The following NPIPB11 variants were observed in gnomAD, a reference collection of about 807,000 sequenced individuals.
NPIPB11 encodes the protein nuclear pore complex-interacting protein family member B11.
NPIPB11 carries 17 observed loss-of-function variants against 32.8 expected under a neutral mutation model. That is an observed-to-expected ratio of 0.52 (90% confidence interval 0.35 to 0.78). The LOEUF (loss-of-function observed/expected upper bound fraction) is 0.78. NPIPB11 is among the 30% of genes least tolerant of loss of function. The pLI, the probability that NPIPB11 is intolerant of heterozygous loss-of-function variation, is 0.01. For synonymous variants in NPIPB11, 209 were observed against 398.4 expected (o/e 0.52, Z 5.66); for missense variants, 537 against 1,000.4 (o/e 0.54, Z 6.25).
upstream of NPIPB11, among the ~76,000 whole-genome samples, chr16:29,405,348 C>T (rs542068776): frequency 9.4e-4 from 143 of 152,066 alleles, 4 homozygotes; most frequent in South Asian, 0.029. Flanking sequence ...TATTAAAAGC[C>T]TACTACGTGC....
At chr16:29,397,632 C>T (rs1963891086) in intron 2 of NPIPB11, 31 of 1,457,434 alleles carry the variant, frequency 2.1e-5, no homozygotes, top group Non-Finnish European at 2.8e-5. Context: ...GAGCATCCAC[C>T]GCCCCCGCAT....
chr16:29,390,857 G>A (rs1191105877), intron 3 of NPIPB11, among the ~76,000 whole-genome samples: 4 of 151,558 alleles, frequency 2.6e-5, no homozygotes, highest in African/African-American at 9.7e-5. Flanking sequence ...CAGCTAGTCG[G>A]GAGGTTGAGG....
At chr16:29,401,237 T>C (rs986153769) in intron 2 of NPIPB11, among the ~76,000 whole-genome samples, 4 of 152,096 alleles carry the variant, frequency 2.6e-5, no homozygotes, top group Admixed American at 2.6e-4. Context: ...AGTGCCTGGA[T>C]TTAACTTAAA....
intron 2 of NPIPB11, among the ~76,000 whole-genome samples, chr16:29,402,095 C>T (rs955725003): frequency 2.7e-5 from 4 of 150,902 alleles, no homozygotes; most frequent in African/African-American, 7.4e-5. Flanking sequence ...AACTTTCAGT[C>T]TCTGGGCCTC....
chr16:29,383,029 G>C (rs752571890), exon 8 of NPIPB11: 5 of 1,609,430 alleles, frequency 3.1e-6, no homozygotes, highest in Non-Finnish European at 8.5e-7. Flanking sequence ...ATCCGCTGAC[G>C]GTGGAAGCGG....
chr16:29,398,541 G>A (rs1039753700), intron 2 of NPIPB11, among the ~76,000 whole-genome samples: 29 of 150,466 alleles, frequency 1.9e-4, no homozygotes, highest in Admixed American at 8.0e-4. Flanking sequence ...AGCATGCATG[G>A]TACATTTACA....
In NPIPB11 at chr16:29,393,443, G is replaced by T. The variant is rs1963770358; in HGVS notation, c.249+505C>A. ...CATCTATCTCCCTCTCCCCTCAGAA[G>T]AGGGTGCTCTTTAAGCATCAACCAC... On this transcript the variant is annotated intron_variant, in intron 3 of 7. Coordinates refer to ENST00000524087, the Ensembl canonical transcript of NPIPB11. Among the ~76,000 whole-genome samples the T allele has an allele frequency of 2.0e-5, 3 of 152,172 alleles. No homozygotes were observed. The South Asian group carries it at 6.2e-4, about 32-fold the overall frequency.
chr16:29,383,244 C>A (rs527997367), exon 8 of NPIPB11: 13 of 1,558,440 alleles, frequency 8.3e-6, no homozygotes, highest in South Asian at 3.4e-5. Flanking sequence ...AGTGAGCTGA[C>A]GCTCGGAAGG....
chr16:29,406,203 C>T (rs1479927839), upstream of NPIPB11, among the ~76,000 whole-genome samples: 7 of 152,182 alleles, frequency 4.6e-5, no homozygotes, highest in African/African-American at 7.2e-5. Context: ...TTAAGTGATT[C>T]GATTTATTTG....
At position 29,402,201 on chromosome 16, in the gene NPIPB11, C is replaced by G. The variant is rs1360000783; in HGVS notation, c.120+1482G>C. On this transcript the variant is annotated intron_variant, in intron 2 of 7. Coordinates refer to ENST00000524087, the Ensembl canonical transcript of NPIPB11. ...GCATGTAGAGCATTGAACCCAGGGC[C>G]TGGCACACACAGTGAGTACTCAATG... is the stretch of plus-strand genomic sequence containing the variant. Among the ~76,000 whole-genome samples, 157 of 134,658 alleles carry G rather than the reference C, an allele frequency of 1.2e-3. 2 individuals carry two copies. The highest frequency in any genetic ancestry group is 4.5e-3 in the African/African-American group (154 of 34,354). The allele number at this position is 134,658 out of a possible 152,430, so 88.3% of individuals were successfully genotyped here. A position where few individuals can be genotyped will look rare whatever the true frequency, so the allele number is the denominator to read the frequency against.
chr16:29,402,724 C>CTCTCTCTGTGTGTGTGTG (rs1449821025), intron 2 of NPIPB11, among the ~76,000 whole-genome samples: 43 of 119,664 alleles, frequency 3.6e-4, no homozygotes, highest in Non-Finnish European at 6.5e-4. Flanking sequence ...CTCTCTCTCT[C>CTCTCTCTGTGTGTGTGTG]TGTGTGTGTG....
chr16:29,405,256 C>G (rs1964088554), upstream of NPIPB11, among the ~76,000 whole-genome samples: 1 of 151,810 alleles, frequency 6.6e-6, no homozygotes, highest in South Asian at 2.1e-4. Context: ...GACAATGTGA[C>G]TTTTTAAAAA....
At chr16:29,389,668 G>GAAAAAAAA (rs1160526743) in intron 5 of NPIPB11, among the ~76,000 whole-genome samples, 17 of 17,286 alleles carry the variant, frequency 9.8e-4, no homozygotes, top group East Asian at 2.8e-3. Flanking sequence ...TCCATCTCAG[G>GAAAAAAAA]AAAAAAAAAA....
intron 3 of NPIPB11, among the ~76,000 whole-genome samples, chr16:29,392,534 AC>A (rs1963748152): frequency 1.3e-5 from 2 of 148,842 alleles, no homozygotes; most frequent in African/African-American, 5.0e-5. Flanking sequence ...ACATGGTAAA[AC>A]CCCGACTCTA....
chr16:29,390,484 C>G, intron 3 of NPIPB11, 136 bp from the exon 4 acceptor site: 1 of 1,392,608 alleles, frequency 7.2e-7, no homozygotes, highest in Non-Finnish European at 1.0e-6. Flanking sequence ...GAAACCCCAT[C>G]TCTACTAAAA....
chr16:29,382,243 G>A (rs751898772), exon 8 of NPIPB11: 1 of 1,597,058 alleles, frequency 6.3e-7, no homozygotes, highest in Non-Finnish European at 8.5e-7. Flanking sequence ...GGTGTCTTGA[G>A]ATTATCATCC....
At chr16:29,384,097 C>G in exon 8 of NPIPB11, 1 of 1,133,200 alleles carries the variant, frequency 8.8e-7, no homozygotes, top group Non-Finnish European at 1.2e-6. Context: ...AGATTATCAT[C>G]CGCTGAGGGT....
chr16:29,404,700 C>A (rs537393750), upstream of NPIPB11, among the ~76,000 whole-genome samples: 95 of 151,772 alleles, frequency 6.3e-4, no homozygotes, highest in Non-Finnish European at 1.2e-3. Flanking sequence ...CACCTAAGGG[C>A]TTTTGTATTT....
rs1424369808 is a variant in NPIPB11, at chr16:29,391,865, T to C, written c.250-1517A>G. 2.6e-5 allele frequency among the ~76,000 whole-genome samples: 4 copies of C among 151,810 alleles called. No individual in the cohort carries two copies. In the East Asian group the frequency reaches 7.8e-4, roughly 29 times the overall value. On this transcript the variant is annotated intron_variant, in intron 3 of 7. Coordinates refer to ENST00000524087, the Ensembl canonical transcript of NPIPB11. ...CCTCCCAAGTAGCTGGGATTACAGGTGCCTGCTACCATGCCTGGCTAATTT... is the reference window on the plus strand; with the variant it reads ...CCTCCCAAGTAGCTGGGATTACAGGCGCCTGCTACCATGCCTGGCTAATTT...
Sources: gnomAD v4.1 joint callset for allele counts (sites outside exome capture counted in the v4.1 genomes callset) on GRCh38, gnomAD v4.1.1 for gene constraint, MANE v1.5 for transcripts, NCBI Gene and HGNC (gene_info 2026-07-23, HGNC 2026-07-21) for gene names.